Variants in PLBD1 observed in about 807,000 individuals in gnomAD.
PLBD1 encodes the protein lysosomal leucine aminopeptidase.
In PLBD1, 60 loss-of-function variants were observed where a neutral mutation model predicts 63.0. The observed-to-expected ratio is 0.95, with a 90% confidence interval of 0.77 to 1.18. The LOEUF (loss-of-function observed/expected upper bound fraction) is 1.18, where lower values mean the gene tolerates loss of function less well. Ranked by LOEUF, PLBD1 falls within the 50% of genes most tolerant of loss-of-function variation. The pLI is 0.00. For synonymous variants in PLBD1, 262 were observed against 248.0 expected (o/e 1.06, Z -0.53); for missense variants, 598 against 677.9 (o/e 0.88, Z 1.31).
At chr12:14,564,650 C>T (rs920978985) in intron 1 of PLBD1, among the ~76,000 whole-genome samples, 9 of 152,224 alleles carry the variant, frequency 5.9e-5, no homozygotes, top group African/African-American at 1.9e-4. Flanking sequence ...GATGAATAGA[C>T]TTGGGTGTAT....
intron 6 of PLBD1, among the ~76,000 whole-genome samples, chr12:14,528,120 A>G (rs985701529): frequency 1.3e-5 from 2 of 152,184 alleles, no homozygotes; most frequent in African/African-American, 4.8e-5. Context: ...TGAGAAACAG[A>G]CAAATTAATA....
intron 5 of PLBD1, chr12:14,536,189 C>A (rs1945512794): frequency 4.3e-6 from 1 of 233,594 alleles, no homozygotes; most frequent in African/African-American, 2.3e-5. Flanking sequence ...GTCCCAGCTA[C>A]TCGGGAAGCT....
chr12:14,567,657 G>A lies in PLBD1; in HGVS notation c.40C>T (p.Gln14Ter). The A allele has an allele frequency of 4.7e-6, 7 of 1,490,814 alleles. No homozygotes were observed. Among genetic ancestry groups the A allele is most frequent in the Non-Finnish European group, 5.3e-6 (6 of 1,128,826 alleles). 92.3% of individuals were successfully genotyped at this position (1,490,814 alleles called of 1,614,324 possible). ...AGCAGCAGCAGAAGCGGTGGCGGCTGTGGCAGCCCCGGGCGCCCGCCCGGA... is the reference window on the plus strand; with the variant it reads ...AGCAGCAGCAGAAGCGGTGGCGGCTATGGCAGCCCCGGGCGCCCGCCCGGA... ...GGPGGRPGLP[Q>*]PPPLLLLLLL... is the part of the protein sequence containing the mutation. The change falls in exon 1 of 11, where the codon CAG becomes TAG. Residue 14 changes from glutamine (Q) to a stop codon, truncating the protein, a stop_gained. Transcript: ENST00000240617. LOFTEE classifies it high-confidence loss of function.
chr12:14,533,735 T>C (rs1254929885), intron 6 of PLBD1, among the ~76,000 whole-genome samples: 1 of 152,166 alleles, frequency 6.6e-6, no homozygotes, highest in Non-Finnish European at 1.5e-5. Flanking sequence ...GAGTCCCCAG[T>C]CCCCCTCAAT....
At position 14,511,618 on chromosome 12, in the gene PLBD1, T is replaced by C. The variant is rs777372230; in HGVS notation, c.938A>G (p.Lys313Arg). The C allele has an allele frequency of 2.5e-6, 4 of 1,614,218 alleles. No individual in the cohort carries two copies. The highest frequency in any genetic ancestry group is 3.4e-6 in the Non-Finnish European group (4 of 1,180,034). The stretch of plus-strand genomic sequence containing the variant: ...CAGGAGAGTCTCGGGTATTACCTGC[T>C]TTAGCAGGGTTTTATTAAACACACT... The part of the protein sequence containing the change: ...TNSVFNKTLL[K>R]QVIPETLLSW... Residue 313 changes from lysine to arginine, a missense_variant, in exon 7 of 11, where the codon AAG (lysine) becomes AGG (arginine). By Grantham distance (26) the Lys-to-Arg change is conservative. Transcript: ENST00000240617.
At chr12:14,517,147 TTGTTTG>T (rs1181092125) in intron 6 of PLBD1, among the ~76,000 whole-genome samples, 1 of 152,156 alleles carries the variant, frequency 6.6e-6, no homozygotes, top group East Asian at 1.9e-4. Context: ...TTTTAGTTTT[TTGTTTG>T]TGTTTGTGTT....
chr12:14,508,293 C>T (rs917318520), intron 8 of PLBD1, among the ~76,000 whole-genome samples: 5 of 152,236 alleles, frequency 3.3e-5, no homozygotes, highest in African/African-American at 1.2e-4. Flanking sequence ...TCTTCATTAA[C>T]TATTCAGCAT....
At chr12:14,565,037 GA>G (rs1945769913) in intron 1 of PLBD1, among the ~76,000 whole-genome samples, 1 of 152,134 alleles carries the variant, frequency 6.6e-6, no homozygotes, top group Admixed American at 6.5e-5. Flanking sequence ...TTTTGGTCTG[GA>G]AAGATAAACG....
intron 6 of PLBD1, among the ~76,000 whole-genome samples, chr12:14,519,433 C>G (rs1183604763): frequency 6.6e-6 from 1 of 151,880 alleles, no homozygotes; most frequent in African/African-American, 2.4e-5. Flanking sequence ...ACCTGGCTAA[C>G]AGGGCGAAAC....
intron 6 of PLBD1, among the ~76,000 whole-genome samples, chr12:14,529,356 T>C (rs1040156877): frequency 6.6e-6 from 1 of 151,822 alleles, no homozygotes; most frequent in Non-Finnish European, 1.5e-5. Flanking sequence ...CAAACAAATA[T>C]GTCTCATGAA....
chr12:14,513,340 A>G (rs1945313632), intron 6 of PLBD1, among the ~76,000 whole-genome samples: 2 of 152,214 alleles, frequency 1.3e-5, no homozygotes, highest in Admixed American at 1.3e-4. Context: ...CCCTTGTCAT[A>G]TATCATAATG....
intron 4 of PLBD1, among the ~76,000 whole-genome samples, chr12:14,540,105 ATTAT>A (rs1406498870): frequency 1.1e-3 from 4 of 3,506 alleles, no homozygotes; most frequent in Non-Finnish European, 2.1e-3. Flanking sequence ...TAATATAAAT[ATTAT>A]TTATATATAT....
chr12:14,514,364 T>C (rs952223785), intron 6 of PLBD1, among the ~76,000 whole-genome samples: 4 of 152,144 alleles, frequency 2.6e-5, no homozygotes, highest in Non-Finnish European at 5.9e-5. Context: ...CCCTGTAGGG[T>C]AGAATGCTGT....
chr12:14,567,620 G>GGCA lies in PLBD1; in HGVS notation c.74_76dup (p.Leu25dup), dbSNP rs71669631. The GGCA allele has an allele frequency of 8.1e-6, 12 of 1,478,894 alleles. No individual in the cohort carries two copies. Among genetic ancestry groups the GGCA allele is most frequent in the Non-Finnish European group, 9.8e-6 (11 of 1,119,254 alleles). 91.6% of individuals were successfully genotyped at this position (1,478,894 alleles called of 1,614,324 possible). ...CGGCTCCGCGGTGACTAACAACAGC[G>GGCA]GCAGCAGCAGCAGCAGCAGCAGAAG... On this transcript the variant is annotated inframe_insertion, in exon 1 of 11. Coordinates refer to ENST00000240617, the MANE Select transcript of PLBD1 (RefSeq NM_024829.6).
chr12:14,507,006 TC>T lies in PLBD1; in HGVS notation c.1298del (p.Arg433GlnfsTer12). On this transcript the variant is annotated frameshift_variant, in exon 9 of 11. Transcript: ENST00000240617. LOFTEE classifies it high-confidence loss of function. ...GLDYSYDLAP[R>X]AKIFRRDQGK... ...CTTGGTCACGCCGGAAAATTTTGGCTCGTGGAGCTAAATCATAAGAGTAGTC... is the reference window on the plus strand; with the variant it reads ...CTTGGTCACGCCGGAAAATTTTGGCTGTGGAGCTAAATCATAAGAGTAGTC... The T allele has an allele frequency of 6.2e-7, 1 of 1,614,112 alleles. No homozygotes were observed. Among genetic ancestry groups the T allele is most frequent in the Non-Finnish European group, 8.5e-7 (1 of 1,180,012 alleles).
At chr12:14,510,053 C>T (rs527249604) in intron 8 of PLBD1, among the ~76,000 whole-genome samples, 2 of 152,020 alleles carry the variant, frequency 1.3e-5, no homozygotes, top group Non-Finnish European at 2.9e-5. Flanking sequence ...TTGGGAAACA[C>T]CTCATAATCA....
chr12:14,563,212 A>G (rs1352434680), intron 1 of PLBD1, among the ~76,000 whole-genome samples: 1 of 152,158 alleles, frequency 6.6e-6, no homozygotes. Context: ...TGATAAAGGG[A>G]GAGCACAAGA....
chr12:14,511,323 A>G lies in PLBD1; in HGVS notation c.1123T>C (p.Tyr375His), dbSNP rs1418205234. The change falls in exon 8 of 11, where the codon TAC (tyrosine) becomes CAC (histidine). Residue 375 changes from tyrosine to histidine, a missense_variant. Coordinates refer to ENST00000240617, the MANE Select transcript of PLBD1 (RefSeq NM_024829.6). ...LNHSLDKGTLYIVEQIPTYVE... is the reference protein window; with the variant it reads ...LNHSLDKGTLHIVEQIPTYVE... ...TATGTAGGAATTTGCTCCACAATGT[A>G]CAGAGTGCCTTTGTCAAGACTGTGG... 3.1e-6 allele frequency: 5 copies of G among 1,612,602 alleles called. No homozygotes were observed. Among genetic ancestry groups the G allele is most frequent in the African/African-American group, 2.7e-5 (2 of 75,020 alleles).
intron 2 of PLBD1, among the ~76,000 whole-genome samples, chr12:14,543,473 T>G (rs1945591472): frequency 6.6e-6 from 1 of 152,064 alleles, no homozygotes; most frequent in South Asian, 2.1e-4. Flanking sequence ...AATCCCAGCA[T>G]TTTGGGAGGC....
Sources: allele counts gnomAD v4.1 joint callset (sites outside exome capture counted in the v4.1 genomes callset), GRCh38; gene constraint gnomAD v4.1.1; transcripts MANE v1.5; gene names NCBI Gene and HGNC (gene_info 2026-07-23, HGNC 2026-07-21).